HPSE: variants seen among roughly 807,000 people sequenced by gnomAD.
The protein encoded by HPSE is heparanase, also known as endo-glucoronidase.
Under a neutral mutation model 65.1 loss-of-function variants are expected in HPSE, and 48 were observed. The ratio of observed to expected loss-of-function variants is 0.74; its 90% CI spans 0.58 to 0.94. HPSE has a LOEUF of 0.94. HPSE is among the 40% of genes least tolerant of loss of function. HPSE has a pLI of 0.00. For missense variants in HPSE, 644 were observed against 637.5 expected, an observed-to-expected ratio of 1.01 and a Z score of -0.11; for synonymous variants, 243 against 260.0, an observed-to-expected ratio of 0.93 and a Z score of 0.63.
At chr4:83,329,733 G>A (rs1737293054) in intron 1 of HPSE, among the ~76,000 whole-genome samples, 2 of 152,016 alleles carry the variant, frequency 1.3e-5, no homozygotes, top group African/African-American at 4.8e-5. Context: ...AACATTATCT[G>A]TTATAAAAAA....
intron 1 of HPSE, among the ~76,000 whole-genome samples, chr4:83,331,487 A>T (rs1211661954): frequency 6.6e-6 from 1 of 152,222 alleles, no homozygotes; most frequent in Admixed American, 6.5e-5. Flanking sequence ...TCCATTGGAC[A>T]GTGTTGATTT....
At chr4:83,319,270 G>A (rs1441694247) in intron 3 of HPSE, 74 bp downstream of exon 3, 3 of 1,463,030 alleles carry the variant, frequency 2.1e-6, no homozygotes, top group Non-Finnish European at 2.8e-6. Flanking sequence ...GGACTTGCTA[G>A]ATTGGTGCCC....
At chr4:83,303,757 G>A (rs1736049064) in intron 9 of HPSE, among the ~76,000 whole-genome samples, 1 of 152,074 alleles carries the variant, frequency 6.6e-6, no homozygotes, top group Non-Finnish European at 1.5e-5. Context: ...TTGAACTCCT[G>A]GGCTCAAGTG....
chr4:83,304,655 G>A (rs1391026413), intron 9 of HPSE, among the ~76,000 whole-genome samples: 1 of 152,042 alleles, frequency 6.6e-6, no homozygotes, highest in Non-Finnish European at 1.5e-5. Context: ...GTAAGACCTT[G>A]TATCAATTTT....
intron 2 of HPSE, among the ~76,000 whole-genome samples, chr4:83,320,943 T>C (rs778444966): frequency 1.1e-4 from 17 of 152,364 alleles, no homozygotes; most frequent in South Asian, 2.1e-4. Context: ...GCTATGCCTA[T>C]AATCCCAATA....
intron 1 of HPSE, among the ~76,000 whole-genome samples, chr4:83,328,355 G>A (rs1209957638): frequency 6.6e-6 from 1 of 152,036 alleles, no homozygotes; most frequent in Non-Finnish European, 1.5e-5. Context: ...CTCCCTATGT[G>A]CGTGTCTGTC....
At chr4:83,315,229 G>C (rs1736581618) in intron 3 of HPSE, among the ~76,000 whole-genome samples, 1 of 152,018 alleles carries the variant, frequency 6.6e-6, no homozygotes, top group Non-Finnish European at 1.5e-5. Context: ...CTTGCAAGCT[G>C]CTTTAGGTAT....
At position 83,322,232 on chromosome 4, in the gene HPSE, A is replaced by C; in HGVS notation, c.360T>G (p.Ser120=). Residue 120 remains serine (S), a synonymous_variant, in exon 2 of 12, where the codon TCT becomes TCG. Coordinates refer to ENST00000311412, the MANE Select transcript of HPSE (RefSeq NM_001098540.3). ...AAAAATTTTCACCCTGGTTGACTTG[A>C]GATTGCCAGTAACTTCTCTCTTCAA... The part of the protein sequence containing the change: ...STFEERSYWQ[S]QVNQDICKYG... The C allele has an allele frequency of 6.2e-7, 1 of 1,613,478 alleles. No homozygotes were observed. The highest frequency in any genetic ancestry group is 8.5e-7 in the Non-Finnish European group (1 of 1,179,702).
chr4:83,333,524 G>T (rs1737480567), intron 1 of HPSE, among the ~76,000 whole-genome samples: 1 of 152,104 alleles, frequency 6.6e-6, no homozygotes, highest in Non-Finnish European at 1.5e-5. Flanking sequence ...CCTCTATCTG[G>T]GCTGGTCAAG....
intron 3 of HPSE, among the ~76,000 whole-genome samples, chr4:83,315,320 C>A (rs1280683393): frequency 6.6e-6 from 1 of 152,154 alleles, no homozygotes; most frequent in Non-Finnish European, 1.5e-5. Flanking sequence ...TTGAAAAGCT[C>A]TCTAGAGTCC....
intron 1 of HPSE, among the ~76,000 whole-genome samples, chr4:83,322,947 T>C (rs1170954248): frequency 6.6e-6 from 1 of 151,830 alleles, no homozygotes; most frequent in African/African-American, 2.4e-5. Flanking sequence ...ATTACAGGCA[T>C]GAGCCACTGT....
intron 1 of HPSE, among the ~76,000 whole-genome samples, chr4:83,324,514 G>A (rs1737063460): frequency 6.6e-6 from 1 of 152,068 alleles, no homozygotes; most frequent in Admixed American, 6.6e-5. Flanking sequence ...TGTAACTTGG[G>A]AGTCCCTAAA....
chr4:83,333,882 AAAAG>A (rs1737500898), intron 1 of HPSE, among the ~76,000 whole-genome samples: 1 of 152,092 alleles, frequency 6.6e-6, no homozygotes, highest in South Asian at 2.1e-4. Flanking sequence ...AAAAGAAAAG[AAAAG>A]AAAGAGAAAT....
At chr4:83,316,378 AC>A (rs1333472527) in intron 3 of HPSE, among the ~76,000 whole-genome samples, 1 of 151,276 alleles carries the variant, frequency 6.6e-6, no homozygotes, top group Non-Finnish European at 1.5e-5. Flanking sequence ...CACCTAGCCT[AC>A]TCCTTACTCA....
chr4:83,311,879 T>A (rs1203503327), intron 4 of HPSE, among the ~76,000 whole-genome samples: 1 of 152,020 alleles, frequency 6.6e-6, no homozygotes, highest in African/African-American at 2.4e-5. Context: ...TTCCATTGGC[T>A]GATATGTGGA....
chr4:83,297,503 A>C (rs79843805), intron 11 of HPSE, among the ~76,000 whole-genome samples: 3,616 of 152,182 alleles, frequency 0.024, 145 homozygotes, highest in African/African-American at 0.082. Flanking sequence ...ATATTAGTTT[A>C]TTTACTTAAT....
intron 9 of HPSE, among the ~76,000 whole-genome samples, chr4:83,305,588 T>A (rs10428385): frequency 3.3e-5 from 5 of 152,044 alleles, no homozygotes; most frequent in South Asian, 4.1e-4. Flanking sequence ...GTCATGCTTC[T>A]CAGGGCTACA....
Position 83,334,667 on chromosome 4 carries a change from A to G in HPSE, c.116T>C (p.Val39Ala). The G allele has an allele frequency of 1.3e-6, 2 of 1,578,106 alleles. No individual in the cohort carries two copies. The highest frequency in any genetic ancestry group is 1.7e-6 in the Non-Finnish European group (2 of 1,161,898). The stretch of plus-strand genomic sequence containing the variant: ...CTCCTGGGTGAAGAAGTCCAGGTCC[A>G]CGACGTCCTGTGCTTGCGCAGGTCG... ...LPRPAQAQDVVDLDFFTQEPL... is the reference protein window; with the variant it reads ...LPRPAQAQDVADLDFFTQEPL... Residue 39 changes from valine (V) to alanine (A), a missense_variant, in exon 1 of 12, where the codon GTG becomes GCG. Val to Ala is a moderately conservative substitution (Grantham distance 64, BLOSUM62 0). Coordinates refer to ENST00000311412, the MANE Select transcript of HPSE (RefSeq NM_001098540.3).
At chr4:83,297,450 A>G (rs1424421948) in intron 11 of HPSE, among the ~76,000 whole-genome samples, 1 of 150,986 alleles carries the variant, frequency 6.6e-6, no homozygotes, top group African/African-American at 2.4e-5. Context: ...ACATCCATCC[A>G]CTACATAATT....
Sources: gnomAD v4.1 joint callset for allele counts (sites outside exome capture counted in the v4.1 genomes callset) on GRCh38, gnomAD v4.1.1 for gene constraint, MANE v1.5 for transcripts, NCBI Gene and HGNC (gene_info 2026-07-23, HGNC 2026-07-21) for gene names.